Variants in TCF4 observed in about 807,000 individuals in gnomAD.
TCF4 encodes the protein SL3-3 enhancer factor 2.
In TCF4, 3 loss-of-function variants were observed where a neutral mutation model predicts 82.1. The ratio of observed to expected loss-of-function variants is 0.04; its 90% CI spans 0.02 to 0.09. TCF4 has a LOEUF of 0.09. TCF4 is among the 10% of genes least tolerant of loss of function. The pLI is 1.00. For missense variants in TCF4, 518 were observed against 852.7 expected (o/e 0.61, Z 4.89); for synonymous variants, 276 against 309.6 (o/e 0.89, Z 1.14).
intron 3 of TCF4, among the ~76,000 whole-genome samples, chr18:55,547,304 T>C (rs1190569434): frequency 6.6e-6 from 1 of 152,214 alleles, no homozygotes; most frequent in Non-Finnish European, 1.5e-5. Context: ...TGTGACTGGA[T>C]GCATTTTGAA....
chr18:55,564,566 C>T (rs1437324677), intron 3 of TCF4, among the ~76,000 whole-genome samples: 3 of 152,070 alleles, frequency 2.0e-5, no homozygotes, highest in South Asian at 2.1e-4. Flanking sequence ...TCAAAGTGTC[C>T]GGAACTGGTT....
chr18:55,293,558 C>T (rs1256978426), intron 8 of TCF4, among the ~76,000 whole-genome samples: 1 of 152,072 alleles, frequency 6.6e-6, no homozygotes, highest in Non-Finnish European at 1.5e-5. Flanking sequence ...TTGGTTCTAT[C>T]GTTAATAGAT....
chr18:55,579,686 G>T (rs1000351184), intron 3 of TCF4, among the ~76,000 whole-genome samples: 1 of 151,988 alleles, frequency 6.6e-6, no homozygotes, highest in Non-Finnish European at 1.5e-5. Context: ...GATCTAAATA[G>T]CATCATAATA....
intron 1 of TCF4, 104 bp downstream of exon 1, chr18:55,587,934 C>T (rs1350338448): frequency 6.4e-6 from 6 of 930,574 alleles, no homozygotes; most frequent in Non-Finnish European, 7.7e-6. Flanking sequence ...GCGCCGGGAG[C>T]CCGCGGCGCG....
intron 6 of TCF4, among the ~76,000 whole-genome samples, chr18:55,355,639 T>C (rs75745173): frequency 0.031 from 4,795 of 152,300 alleles, 103 homozygotes; most frequent in Middle Eastern, 0.051. Flanking sequence ...TCTTCTTTCC[T>C]GATTCCTGAA....
chr18:55,377,355 T>C (rs1184035762), intron 6 of TCF4, among the ~76,000 whole-genome samples: 1 of 152,094 alleles, frequency 6.6e-6, no homozygotes, highest in Non-Finnish European at 1.5e-5. Flanking sequence ...TTATAATAAA[T>C]ATGACAGGTA....
intron 14 of TCF4, among the ~76,000 whole-genome samples, 171 bp downstream of exon 14, chr18:55,257,144 C>T (rs2057035410): frequency 6.6e-6 from 1 of 152,094 alleles, no homozygotes; most frequent in Non-Finnish European, 1.5e-5. Context: ...TTCCCATCTC[C>T]AAATAGGAGC....
At chr18:55,431,356 T>G in intron 5 of TCF4, among the ~76,000 whole-genome samples, 1 of 152,304 alleles carries the variant, frequency 6.6e-6, no homozygotes. Context: ...CTCGGCTCAC[T>G]GCAACCTCCG....
intron 11 of TCF4, chr18:55,268,320 G>A (rs2059633218): frequency 6.6e-6 from 1 of 151,974 alleles, no homozygotes; most frequent in Admixed American, 6.6e-5. Context: ...CTGCAGAAAG[G>A]GGCTTTCCAT....
rs117690494 is a variant in TCF4 at position 55,502,152 on chromosome 18, A to G, written c.146-38015T>C. On this transcript the variant is annotated intron_variant, in intron 3 of 19. Coordinates refer to ENST00000354452, the MANE Select transcript of TCF4 (RefSeq NM_001083962.2). ...GCCTTTCTAACCTGGAATTTCCAGG[A>G]ATGCATGACGATGAAAAGTTTCTAT... Among the ~76,000 whole-genome samples the G allele has an allele frequency of 1.6e-3, 248 of 152,332 alleles. 1 individual carries two copies. Among genetic ancestry groups the G allele is most frequent in the Admixed American group, 2.6e-3 (40 of 15,304 alleles).
In TCF4 at chr18:55,265,775, C is replaced by T. The variant is rs191505807; in HGVS notation, c.922+4056G>A. 2.6e-4 allele frequency: 40 copies of T among 152,244 alleles called. No homozygotes were observed. The East Asian group carries it at 7.1e-3, about 27-fold the overall frequency. 9.4% of individuals were successfully genotyped at this position (152,244 alleles called of 1,614,324 possible). On this transcript the variant is annotated intron_variant, in intron 11 of 19. Coordinates refer to ENST00000354452, the MANE Select transcript of TCF4 (RefSeq NM_001083962.2). Reference sequence around the variant, plus strand: ...ACAAGCCACATACTAACATGTCATTCGAAGTTAAAGTTCTAAGCCAGATTA... The same window carrying T: ...ACAAGCCACATACTAACATGTCATTTGAAGTTAAAGTTCTAAGCCAGATTA...
At chr18:55,230,651 T>C (rs2144514944) in intron 17 of TCF4, 1 of 152,316 alleles carries the variant, frequency 6.6e-6, no homozygotes, top group Non-Finnish European at 1.5e-5. Flanking sequence ...AGAATAAAGA[T>C]GATTAATCAC....
At position 55,229,093 on chromosome 18, in the gene TCF4, A is replaced by G. The variant is rs2047140615; in HGVS notation, c.1650-17T>C. 1 of 1,612,948 alleles carries G rather than the reference A, an allele frequency of 6.2e-7. No individual in the cohort carries two copies. The highest frequency in any genetic ancestry group is 1.6e-4 in the Middle Eastern group (1 of 6,062). ...TCATTATTGCTGTGGGACAAAAGGG[A>G]TGCAACATTTTCTAATGGTGTGGGG... On this transcript the variant is annotated splice_polypyrimidine_tract_variant and intron_variant, in intron 17 of 19. Coordinates refer to ENST00000354452, the MANE Select transcript of TCF4 (RefSeq NM_001083962.2).
Position 55,305,365 on chromosome 18 carries a change from G to C in TCF4, c.550-25709C>G, listed in dbSNP as rs145004122. ...CACAAAAATTCTGTCACTTACAGGG[G>C]GAACACTGTACATGGTCACTTCCAA... On this transcript the variant is annotated intron_variant, in intron 8 of 19. Coordinates refer to ENST00000354452, the MANE Select transcript of TCF4 (RefSeq NM_001083962.2). 6.5e-3 allele frequency among the ~76,000 whole-genome samples: 983 copies of C among 152,096 alleles called. 4 individuals are homozygous for C. The highest frequency in any genetic ancestry group is 0.01 in the Non-Finnish European group (705 of 67,968).
chr18:55,417,241 C>T (rs957934595), intron 5 of TCF4, among the ~76,000 whole-genome samples: 8 of 152,070 alleles, frequency 5.3e-5, no homozygotes, highest in Admixed American at 5.2e-4. Flanking sequence ...TCTCATCCCG[C>T]GACTGTGGAC....
At chr18:55,515,809 AG>A (rs1354188809) in intron 3 of TCF4, among the ~76,000 whole-genome samples, 8 of 152,102 alleles carry the variant, frequency 5.3e-5, no homozygotes, top group Non-Finnish European at 1.2e-4. Flanking sequence ...CAAAATTTGG[AG>A]GGGGGTGGGC....
intron 3 of TCF4, among the ~76,000 whole-genome samples, chr18:55,570,053 T>C (rs1334861863): frequency 1.3e-5 from 2 of 151,992 alleles, no homozygotes; most frequent in African/African-American, 2.4e-5. Context: ...CGAGGCAAGG[T>C]AGCCAAACTA....
chr18:55,305,585 C>A (rs563781501), intron 8 of TCF4, among the ~76,000 whole-genome samples: 1 of 152,258 alleles, frequency 6.6e-6, no homozygotes, highest in African/African-American at 2.4e-5. Context: ...GTTAAGCTTT[C>A]AAAAACTAGG....
intron 5 of TCF4, among the ~76,000 whole-genome samples, chr18:55,409,794 C>T (rs867878529): frequency 6.6e-6 from 1 of 152,076 alleles, no homozygotes; most frequent in Middle Eastern, 3.2e-3. Context: ...AATCTGTGGC[C>T]ATGCAGGTAT....
Sources: allele counts gnomAD v4.1 joint callset (sites outside exome capture counted in the v4.1 genomes callset), GRCh38; gene constraint gnomAD v4.1.1; transcripts MANE v1.5; gene names NCBI Gene and HGNC (gene_info 2026-07-23, HGNC 2026-07-21).